SEZ6: variants seen among roughly 807,000 people sequenced by gnomAD.
The protein encoded by SEZ6 is seizure related 6 homolog, also known as seizure protein 6 homolog.
A neutral mutation model predicts 101.0 loss-of-function variants in SEZ6; 53 were observed. That is an observed-to-expected ratio of 0.52 (90% CI 0.42 to 0.66). The LOEUF (loss-of-function observed/expected upper bound fraction) is 0.66. SEZ6 is among the 30% of genes least tolerant of loss of function. The pLI is 0.00. For synonymous variants in SEZ6, 488 were observed against 512.2 expected, an observed-to-expected ratio of 0.95 and a Z score of 0.64; for missense variants, 1,102 against 1,289.4, an observed-to-expected ratio of 0.85 and a Z score of 2.23.
At chr17:28,956,495 C>T in intron 14 of SEZ6, 28 bp from the exon 15 acceptor site, 6 of 1,542,514 alleles carry the variant, frequency 3.9e-6, no homozygotes, top group Non-Finnish European at 2.6e-6. Flanking sequence ...GTGACTGGAG[C>T]AGAGGTCTCT....
At position 28,957,190 on chromosome 17, in the gene SEZ6, T is replaced by C; in HGVS notation, c.2547A>G (p.Arg849=). The change falls in exon 13 of 17, where the codon CGA becomes CGG. Residue 849 remains arginine, a synonymous_variant. Coordinates refer to ENST00000317338, the MANE Select transcript of SEZ6 (RefSeq NM_178860.5). ...HGLSAPENGA[R]SPEKQLHPAG... ...CTGGGTGTAGCTGCTTCTCAGGACT[T>C]CGGGCACCATTCTCAGGGGCACTGA... 3.1e-6 allele frequency: 5 copies of C among 1,613,978 alleles called. No homozygotes were observed. The highest frequency in any genetic ancestry group is 4.2e-6 in the Non-Finnish European group (5 of 1,179,868).
Position 29,006,008 on chromosome 17 carries a change from C to T in SEZ6, c.-139G>A. ...GCAGCCGTCACCGCCGCTGCCGCCG[C>T]CAGCGCCTGACAGAATCAGCACCAC... On this transcript the variant is annotated 5_prime_UTR_variant, in exon 1 of 17. Transcript: ENST00000317338. The T allele has an allele frequency of 1.5e-6, 1 of 659,186 alleles. No individual in the cohort carries two copies. Among genetic ancestry groups the T allele is most frequent in the Non-Finnish European group, 2.1e-6 (1 of 475,150 alleles). The allele number at this position is 659,186 out of a possible 1,614,324, so 40.8% of individuals were successfully genotyped here.
chr17:28,960,354 G>T, intron 7 of SEZ6, 151 bp downstream of exon 7: 1 of 1,039,526 alleles, frequency 9.6e-7, no homozygotes, highest in Non-Finnish European at 1.4e-6. Context: ...AGAGGGGCAG[G>T]GAAAGGGGGC....
chr17:29,003,684 C>T (rs1211359796), intron 1 of SEZ6, among the ~76,000 whole-genome samples: 2 of 152,228 alleles, frequency 1.3e-5, no homozygotes, highest in East Asian at 3.9e-4. Context: ...TTGGGACCTC[C>T]AGTCCAGCCG....
chr17:28,997,423 G>A (rs560197385), intron 1 of SEZ6, among the ~76,000 whole-genome samples: 3 of 152,324 alleles, frequency 2.0e-5, no homozygotes, highest in Middle Eastern at 6.8e-3. Context: ...AGACGTAAAT[G>A]ATGCCTAAGA....
At chr17:28,979,467 G>A (rs575912254) in intron 3 of SEZ6, among the ~76,000 whole-genome samples, 1 of 152,356 alleles carries the variant, frequency 6.6e-6, no homozygotes, top group African/African-American at 2.4e-5. Flanking sequence ...TCCAAGGCTA[G>A]AGCCCCCTCC....
intron 5 of SEZ6, 61 bp downstream of exon 5, chr17:28,963,901 A>G (rs1225042886): frequency 6.5e-7 from 1 of 1,545,108 alleles, no homozygotes; most frequent in Non-Finnish European, 8.8e-7. Context: ...AACAGAGAGC[A>G]GGGATGAGCC....
chr17:28,980,584 G>A (rs1428659461), intron 2 of SEZ6, among the ~76,000 whole-genome samples: 1 of 151,370 alleles, frequency 6.6e-6, no homozygotes, highest in Non-Finnish European at 1.5e-5. Flanking sequence ...GTTAGCAAGG[G>A]TGGTCTCGAT....
At chr17:29,000,066 C>T in intron 1 of SEZ6, among the ~76,000 whole-genome samples, 1 of 152,212 alleles carries the variant, frequency 6.6e-6, no homozygotes, top group East Asian at 1.9e-4. Context: ...ACTTCTATCT[C>T]ACAGAGATGA....
intron 3 of SEZ6, among the ~76,000 whole-genome samples, chr17:28,970,915 C>T (rs572921780): frequency 6.6e-6 from 1 of 152,300 alleles, no homozygotes. Flanking sequence ...GCATGTCAAT[C>T]GTGATTCTCT....
intron 4 of SEZ6, among the ~76,000 whole-genome samples, chr17:28,968,662 G>A (rs2041106089): frequency 6.6e-6 from 1 of 152,160 alleles, no homozygotes; most frequent in South Asian, 2.1e-4. Flanking sequence ...TTGGGTGGAG[G>A]GGTGAGGGTA....
intron 7 of SEZ6, chr17:28,960,097 C>G: frequency 1.6e-6 from 1 of 617,982 alleles, no homozygotes; most frequent in Non-Finnish European, 2.8e-6. Context: ...ATCTTGATTA[C>G]CATCCTGTTC....
intron 5 of SEZ6, 114 bp from the exon 6 acceptor site, chr17:28,961,087 G>C (rs2040971559): frequency 7.6e-7 from 1 of 1,309,864 alleles, no homozygotes; most frequent in Non-Finnish European, 1.0e-6. Flanking sequence ...CGGGGACCTT[G>C]CCTCCCTGCC....
Position 28,981,420 on chromosome 17 carries a change from G to C in SEZ6, c.675C>G (p.Thr225=). 6.4e-7 allele frequency: 1 copy of C among 1,555,818 alleles called. No homozygotes were observed. The highest frequency in any genetic ancestry group is 8.7e-7 in the Non-Finnish European group (1 of 1,149,258). Reference sequence around the variant, plus strand: ...TGGTGGTGATGATGGTGGTGGTAGTGGTGGTCTCCTCATCATCTCCTGAAG... The same window carrying C: ...TGGTGGTGATGATGGTGGTGGTAGTCGTGGTCTCCTCATCATCTCCTGAAG... ...STASGDDEET[T]TTTTIITTTI... is the part of the protein sequence containing the mutation. The change falls in exon 2 of 17, where the codon ACC becomes ACG. Residue 225 remains threonine, a synonymous_variant. Coordinates refer to ENST00000317338, the MANE Select transcript of SEZ6 (RefSeq NM_178860.5).
intron 1 of SEZ6, among the ~76,000 whole-genome samples, chr17:28,989,838 TG>T (rs1253360055): frequency 6.6e-6 from 1 of 152,028 alleles, no homozygotes; most frequent in Non-Finnish European, 1.5e-5. Context: ...GAAGCCGAGG[TG>T]GGGGGATCAC....
intron 12 of SEZ6, 41 bp downstream of exon 12, chr17:28,957,307 C>T: frequency 1.2e-6 from 2 of 1,610,612 alleles, no homozygotes; most frequent in South Asian, 2.2e-5. Context: ...CATCTTTTAT[C>T]TCCAGCTAGA....
At chr17:28,985,375 C>T (rs1385917182) in intron 1 of SEZ6, among the ~76,000 whole-genome samples, 1 of 152,202 alleles carries the variant, frequency 6.6e-6, no homozygotes, top group African/African-American at 2.4e-5. Flanking sequence ...GTGCCTGAAG[C>T]ACATCTGAGC....
intron 3 of SEZ6, among the ~76,000 whole-genome samples, chr17:28,978,454 G>A (rs183410617): frequency 6.6e-6 from 1 of 152,336 alleles, no homozygotes; most frequent in Admixed American, 6.5e-5. Context: ...GCTAAGATGG[G>A]GGATGCCCCA....
intron 1 of SEZ6, among the ~76,000 whole-genome samples, chr17:28,985,143 A>G (rs537120542): frequency 1.7e-4 from 26 of 152,340 alleles, no homozygotes; most frequent in African/African-American, 5.8e-4. Flanking sequence ...GTCTTTCCAC[A>G]TACCCACCTG....
Sources: gnomAD v4.1 joint callset for allele counts (sites outside exome capture counted in the v4.1 genomes callset) on GRCh38, gnomAD v4.1.1 for gene constraint, MANE v1.5 for transcripts, NCBI Gene and HGNC (gene_info 2026-07-23, HGNC 2026-07-21) for gene names.